Variants in DHX57 observed in about 807,000 individuals in gnomAD.
The protein encoded by DHX57 is putative ATP-dependent RNA helicase DHX57.
DHX57 carries 105 observed loss-of-function variants against 156.2 expected under a neutral mutation model. The observed-to-expected ratio is 0.67, with a 90% CI of 0.57 to 0.79. The LOEUF is 0.79. Among genes scored for constraint, DHX57 ranks in the 30% least tolerant of loss-of-function variants. The pLI is 0.00. For synonymous variants in DHX57, 704 were observed against 595.6 expected (o/e 1.18, Z -2.65); for missense variants, 1,847 against 1,661.9 (o/e 1.11, Z -1.94).
At position 38,868,366 on chromosome 2, in the gene DHX57, C is replaced by T. The variant is rs764626490; in HGVS notation, c.40G>A (p.Gly14Arg). ...SVRRKGKPGK[G>R]GGKGSSRGGR... ...CCTCTAGAAGACCCTTTTCCACCTC[C>T]TTTGCCTGGCTTGCCTTTTCTTCTT... The change falls in exon 2 of 24, where the codon GGA becomes AGA. Residue 14 changes from glycine to arginine, a missense_variant. Transcript: ENST00000457308. The T allele has an allele frequency of 3.1e-6, 5 of 1,613,720 alleles. No homozygotes were observed. Among genetic ancestry groups the T allele is most frequent in the Admixed American group, 3.3e-5 (2 of 60,018 alleles).
chr2:38,847,475 TCA>T (rs1358681281), intron 10 of DHX57, among the ~76,000 whole-genome samples: 1 of 152,220 alleles, frequency 6.6e-6, no homozygotes, highest in African/African-American at 2.4e-5. Flanking sequence ...CTATTTTTTA[TCA>T]GTCAGTGTTT....
chr2:38,864,863 A>G (rs1395051724), intron 2 of DHX57, among the ~76,000 whole-genome samples: 1 of 152,164 alleles, frequency 6.6e-6, no homozygotes, highest in Non-Finnish European at 1.5e-5. Context: ...TTCCTATGCT[A>G]CTACAGCTCT....
chr2:38,832,005 G>A (rs189596010), intron 13 of DHX57, among the ~76,000 whole-genome samples: 109 of 152,262 alleles, frequency 7.2e-4, no homozygotes, highest in African/African-American at 2.3e-3. Context: ...CTGGGCGACA[G>A]AGCAAGACTG....
Position 38,822,996 on chromosome 2 carries a change from C to T in DHX57, c.3288G>A (p.Pro1096=), listed in dbSNP as rs375740130. 263 of 1,613,742 alleles carry T rather than the reference C, an allele frequency of 1.6e-4. 1 individual carries two copies. Among genetic ancestry groups the T allele is most frequent in the Middle Eastern group, 4.9e-4 (3 of 6,062 alleles). ...TAGATGAATGTTGTTTACTTACAAA[C>T]GGAGACTTAAAAGCCAAACTGGCAG... ...TIAASLAFKS[P]FVSPWDKKEE... Residue 1096 remains proline (P), a synonymous_variant, in exon 17 of 24, where the codon CCG becomes CCA. Coordinates refer to ENST00000457308, the MANE Select transcript of DHX57 (RefSeq NM_198963.3).
intron 13 of DHX57, among the ~76,000 whole-genome samples, chr2:38,837,588 G>A (rs1409299358): frequency 1.5e-5 from 1 of 67,596 alleles, no homozygotes; most frequent in Non-Finnish European, 2.9e-5. Flanking sequence ...TCCAGCCTGG[G>A]CAACAAGAGC....
At chr2:38,874,829 A>C (rs147645039) in intron 1 of DHX57, among the ~76,000 whole-genome samples, 31 of 152,326 alleles carry the variant, frequency 2.0e-4, no homozygotes, top group African/African-American at 7.5e-4. Context: ...AGAGTCATTA[A>C]AATCTTAACA....
At chr2:38,827,219 C>T (rs568908261) in intron 14 of DHX57, among the ~76,000 whole-genome samples, 1 of 151,632 alleles carries the variant, frequency 6.6e-6, no homozygotes, top group Non-Finnish European at 1.5e-5. Context: ...AACCAAAAAC[C>T]TCATACCAAC....
chr2:38,875,363 C>T (rs1015948216), intron 1 of DHX57, among the ~76,000 whole-genome samples: 1 of 152,170 alleles, frequency 6.6e-6, no homozygotes, highest in African/African-American at 2.4e-5. Context: ...TGACTGATCA[C>T]AATATATCCA....
rs781303042 is a variant in DHX57, at chr2:38,826,559, C to T, written c.2770G>A (p.Asp924Asn). The change falls in exon 15 of 24, where the codon GAT becomes AAT. Residue 924 changes from aspartate to asparagine, a missense_variant. Physicochemically the swap from Asp to Asn is conservative, Grantham distance 23. Transcript: ENST00000457308. ...NIAETSITID[D>N]VVYVIDSGKM... ...CCAGAATCGATAACATAGACAACAT[C>T]ATCGATGGTTATGGATGTCTCAGCA... The T allele has an allele frequency of 6.2e-7, 1 of 1,614,134 alleles. No homozygotes were observed. The highest frequency in any genetic ancestry group is 8.5e-7 in the Non-Finnish European group (1 of 1,180,024).
At chr2:38,867,463 C>T (rs1292154622) in intron 2 of DHX57, among the ~76,000 whole-genome samples, 2 of 152,176 alleles carry the variant, frequency 1.3e-5, no homozygotes, top group African/African-American at 4.8e-5. Context: ...TTACTGGTCA[C>T]CACATGTAAC....
chr2:38,798,371 G>A lies in DHX57; in HGVS notation c.4089C>T (p.Ser1363=). 3 of 1,614,102 alleles carry A rather than the reference G, an allele frequency of 1.9e-6. No individual in the cohort carries two copies. Among genetic ancestry groups the A allele is most frequent in the South Asian group, 2.2e-5 (2 of 91,064 alleles). ...QLLQDKIKNP[S]IDLCTCPRGS... ...CTCGAGGACACGTACACAGATCAAT[G>A]CTTGGGTTTTTAATTTTATCCTGGA... is the stretch of plus-strand genomic sequence containing the variant. Residue 1363 remains serine (S), a synonymous_variant, in exon 24 of 24, where the codon AGC becomes AGT. Coordinates refer to ENST00000457308, the MANE Select transcript of DHX57 (RefSeq NM_198963.3).
At position 38,819,040 on chromosome 2, in the gene DHX57, T is replaced by G; in HGVS notation, c.3387+9A>C. 3 of 1,614,122 alleles carry G rather than the reference T, an allele frequency of 1.9e-6. No individual in the cohort carries two copies. Among genetic ancestry groups the G allele is most frequent in the Non-Finnish European group, 2.5e-6 (3 of 1,179,944 alleles). ...GTAATAAAACTAAGCTATTAGGTTA[T>G]ATACTTACCTTATACGCTTGTAGAA... On this transcript the variant is annotated intron_variant, in intron 18 of 23. Transcript: ENST00000457308.
At chr2:38,834,736 A>C (rs1012888334) in intron 13 of DHX57, among the ~76,000 whole-genome samples, 3 of 152,212 alleles carry the variant, frequency 2.0e-5, no homozygotes, top group Admixed American at 1.3e-4. Context: ...TGTTCCGCAG[A>C]TGGAGGTCTA....
chr2:38,823,809 C>T (rs754208104), intron 16 of DHX57, among the ~76,000 whole-genome samples: 5 of 151,992 alleles, frequency 3.3e-5, no homozygotes, highest in South Asian at 2.1e-4. Context: ...GTCAGGAGTT[C>T]GAGACCAGCC....
Position 38,866,756 on chromosome 2 carries a change from G to C in DHX57, c.224+1426C>G, listed in dbSNP as rs143577938. On this transcript the variant is annotated intron_variant, in intron 2 of 23. Transcript: ENST00000457308. The stretch of plus-strand genomic sequence containing the variant: ...TGTTTTGAAAAACTATGGAGCTGCA[G>C]CTAACTCAGAAGTTAGGTTCTTGGC... 9.2e-5 allele frequency among the ~76,000 whole-genome samples: 14 copies of C among 152,310 alleles called. 1 individual carries two copies. In the East Asian group the frequency reaches 2.7e-3, roughly 29 times the overall value.
intron 1 of DHX57, among the ~76,000 whole-genome samples, chr2:38,873,067 A>C (rs890059612): frequency 1.3e-5 from 2 of 152,116 alleles, no homozygotes; most frequent in Non-Finnish European, 2.9e-5. Flanking sequence ...GGCTCACAGC[A>C]ACCTCCGCCT....
At chr2:38,822,189 TC>T (rs1367567253) in intron 17 of DHX57, among the ~76,000 whole-genome samples, 1 of 152,026 alleles carries the variant, frequency 6.6e-6, no homozygotes, top group Non-Finnish European at 1.5e-5. Flanking sequence ...TTCAAGTGAT[TC>T]TCCTGCCTCA....
At position 38,855,258 on chromosome 2, in the gene DHX57, C is replaced by T. The variant is rs772049555; in HGVS notation, c.1710-6G>A. ...TTTGTGTGGTTTTCCCACATCTGTA[C>T]ATTAAAACAAATAAGTCCTAAAATG... On this transcript the variant is annotated splice_region_variant and splice_polypyrimidine_tract_variant and intron_variant, in intron 7 of 23. Coordinates refer to ENST00000457308, the MANE Select transcript of DHX57 (RefSeq NM_198963.3). 18 of 1,613,922 alleles carry T rather than the reference C, an allele frequency of 1.1e-5. No individual in the cohort carries two copies. In the South Asian group the frequency reaches 1.5e-4, roughly 14 times the overall value.
intron 21 of DHX57, among the ~76,000 whole-genome samples, chr2:38,808,444 T>A (rs1670070334): frequency 6.6e-6 from 1 of 152,158 alleles, no homozygotes; most frequent in African/African-American, 2.4e-5. Context: ...ATTAAGAACA[T>A]TTTTCCATGT....
Sources: gnomAD v4.1 joint callset for allele counts (sites outside exome capture counted in the v4.1 genomes callset) on GRCh38, gnomAD v4.1.1 for gene constraint, MANE v1.5 for transcripts, NCBI Gene and HGNC (gene_info 2026-07-23, HGNC 2026-07-21) for gene names.